The following GLRB variants were observed in gnomAD, a reference collection of about 807,000 sequenced individuals.
The protein encoded by GLRB is glycine receptor subunit beta.
A neutral mutation model predicts 54.2 loss-of-function variants in GLRB; 33 were observed. The observed-to-expected ratio is 0.61, with a 90% CI of 0.46 to 0.81. The LOEUF is 0.81. GLRB is among the 40% of genes least tolerant of loss of function. GLRB has a pLI of 0.00. For missense variants in GLRB, 572 were observed against 584.6 expected, an observed-to-expected ratio of 0.98 and a Z score of 0.22; for synonymous variants, 209 against 208.2, an observed-to-expected ratio of 1.00 and a Z score of -0.03.
chr4:157,138,732 AG>A (rs1736500054), intron 6 of GLRB, 76 bp from the exon 7 acceptor site: 5 of 781,944 alleles, frequency 6.4e-6, no homozygotes, highest in Non-Finnish European at 1.1e-5. Context: ...GCTATGTTTA[AG>A]ATTTGAATTA....
intron 2 of GLRB, among the ~76,000 whole-genome samples, chr4:157,101,175 T>C (rs1415031211): frequency 6.6e-6 from 1 of 152,134 alleles, no homozygotes; most frequent in Non-Finnish European, 1.5e-5. Flanking sequence ...AGGTGATAGA[T>C]GATATTAATC....
intron 4 of GLRB, among the ~76,000 whole-genome samples, chr4:157,125,248 A>T (rs1467541015): frequency 6.6e-6 from 1 of 151,868 alleles, no homozygotes; most frequent in Non-Finnish European, 1.5e-5. Context: ...AAACAAAAAA[A>T]GTTCCCCAAA....
intron 2 of GLRB, among the ~76,000 whole-genome samples, chr4:157,098,091 T>A (rs549548063): frequency 4.6e-5 from 7 of 152,266 alleles, no homozygotes; most frequent in African/African-American, 1.7e-4. Context: ...TTAATTACTG[T>A]TCTCATTTTT....
chr4:157,146,397 T>C (rs767436116), intron 8 of GLRB, among the ~76,000 whole-genome samples: 1 of 152,200 alleles, frequency 6.6e-6, no homozygotes, highest in Non-Finnish European at 1.5e-5. Context: ...ACCAGATCTC[T>C]TTGCTTACTT....
At chr4:157,083,803 T>G (rs1024070490) in intron 2 of GLRB, among the ~76,000 whole-genome samples, 2 of 152,162 alleles carry the variant, frequency 1.3e-5, no homozygotes, top group Admixed American at 1.3e-4. Flanking sequence ...TTTTAAGGTT[T>G]GAAATTTCAT....
intron 9 of GLRB, among the ~76,000 whole-genome samples, chr4:157,162,444 C>A (rs143886698): frequency 0.047 from 7,157 of 152,268 alleles, 182 homozygotes; most frequent in African/African-American, 0.056. Flanking sequence ...AGCTTTTCTA[C>A]TCTGGTTTCT....
In GLRB at chr4:157,105,097, C is replaced by A. The variant is rs1269472835; in HGVS notation, c.123-15459C>A. ...TCTGCTAACTTTGGGCTTTTTTTTT[C>A]TTTTTCTAGTTATTTGAGGTATTAA... On this transcript the variant is annotated intron_variant, in intron 2 of 9. Transcript: ENST00000264428. 3.4e-5 allele frequency among the ~76,000 whole-genome samples: 5 copies of A among 145,774 alleles called. No individual in the cohort carries two copies. The South Asian group carries it at 8.7e-4, about 25-fold the overall frequency.
At chr4:157,137,743 CAT>C (rs1267415913) in intron 6 of GLRB, among the ~76,000 whole-genome samples, 4 of 152,112 alleles carry the variant, frequency 2.6e-5, no homozygotes, top group Admixed American at 6.6e-5. Context: ...TATGTTTGCA[CAT>C]GTCTGTTTAT....
rs568438603 is a variant in GLRB at position 157,095,897 on chromosome 4, G to A, written c.122+17751G>A. On this transcript the variant is annotated intron_variant, in intron 2 of 9. Coordinates refer to ENST00000264428, the MANE Select transcript of GLRB (RefSeq NM_000824.5). ...GTGCCTCAGATGTGGTCACACAAGA[G>A]ACCACCAGACAGCATGAGGGCAAGG... 2.2e-4 allele frequency among the ~76,000 whole-genome samples: 34 copies of A among 152,238 alleles called. 1 individual carries two copies. The South Asian group carries it at 6.8e-3, about 31-fold the overall frequency.
chr4:157,156,016 T>C (rs537592249), intron 9 of GLRB, among the ~76,000 whole-genome samples: 2 of 152,314 alleles, frequency 1.3e-5, no homozygotes, highest in Admixed American at 1.3e-4. Context: ...AATGCTCAAG[T>C]CCCTTGTATA....
At chr4:157,097,630 G>T (rs562027638) in intron 2 of GLRB, among the ~76,000 whole-genome samples, 3 of 152,160 alleles carry the variant, frequency 2.0e-5, no homozygotes, top group Non-Finnish European at 4.4e-5. Flanking sequence ...CCAACATTCA[G>T]CAAAATATAT....
intron 9 of GLRB, among the ~76,000 whole-genome samples, chr4:157,168,679 C>G (rs1475269046): frequency 2.0e-5 from 3 of 152,064 alleles, no homozygotes; most frequent in African/African-American, 7.2e-5. Context: ...AATCCCTATT[C>G]CTCATCAACA....
intron 4 of GLRB, among the ~76,000 whole-genome samples, chr4:157,135,138 T>C (rs1736355097): frequency 6.6e-6 from 1 of 152,136 alleles, no homozygotes; most frequent in African/African-American, 2.4e-5. Context: ...ATAAGGGTCA[T>C]TGATCACAAT....
chr4:157,112,314 ATT>A (rs35767258), intron 2 of GLRB, among the ~76,000 whole-genome samples: 1 of 151,652 alleles, frequency 6.6e-6, no homozygotes, highest in African/African-American at 2.4e-5. Flanking sequence ...TTTAAATACC[ATT>A]TTTTTTATAT....
intron 9 of GLRB, among the ~76,000 whole-genome samples, chr4:157,155,630 G>C (rs1156358200): frequency 2.6e-5 from 4 of 152,108 alleles, no homozygotes; most frequent in African/African-American, 9.7e-5. Flanking sequence ...TGGCCTCCAT[G>C]GCTTCTGATG....
At chr4:157,138,786 C>T (rs557571613) in intron 6 of GLRB, 23 bp from the exon 7 acceptor site, 139 of 1,207,756 alleles carry the variant, frequency 1.2e-4, no homozygotes, top group Non-Finnish European at 6.1e-5. Context: ...TTTAAACTAA[C>T]ATTTATTTGT....
Position 157,152,715 on chromosome 4 carries a change from T to C in GLRB, c.905-3T>C, listed in dbSNP as rs756010168. On this transcript the variant is annotated splice_polypyrimidine_tract_variant and splice_region_variant and intron_variant, in intron 8 of 9. Transcript: ENST00000264428. ...ACTTTCATTCCTCTTTCTGTTTCTG[T>C]AGGTATCTTCTCAGTCCTCAGCTTG... 15 of 1,612,228 alleles carry C rather than the reference T, an allele frequency of 9.3e-6. 1 individual carries two copies. In the Admixed American group the frequency reaches 2.5e-4, roughly 27 times the overall value.
intron 8 of GLRB, among the ~76,000 whole-genome samples, chr4:157,146,499 GAGT>G (rs1736816686): frequency 6.6e-6 from 1 of 152,068 alleles, no homozygotes; most frequent in South Asian, 2.1e-4. Flanking sequence ...TTGGTCTAGT[GAGT>G]AGTAGTGCAG....
chr4:157,141,301 A>G (rs530574029), intron 7 of GLRB, among the ~76,000 whole-genome samples: 11 of 152,076 alleles, frequency 7.2e-5, no homozygotes, highest in African/African-American at 2.4e-4. Flanking sequence ...ATGAATTATC[A>G]TATGAATATA....
Sources: allele counts gnomAD v4.1 joint callset (sites outside exome capture counted in the v4.1 genomes callset), GRCh38; gene constraint gnomAD v4.1.1; transcripts MANE v1.5; gene names NCBI Gene and HGNC (gene_info 2026-07-23, HGNC 2026-07-21).